SCHIP1: variants seen among roughly 807,000 people sequenced by gnomAD.
SCHIP1 encodes schwannomin-interacting protein 1.
In SCHIP1, 8 loss-of-function variants were observed where a neutral mutation model predicts 29.7. The observed-to-expected ratio is 0.27, with a 90% confidence interval of 0.16 to 0.49. The LOEUF (loss-of-function observed/expected upper bound fraction) is 0.49, where lower values mean the gene tolerates loss of function less well. SCHIP1 is among the 20% of genes least tolerant of loss of function. The pLI, the probability that SCHIP1 is intolerant of heterozygous loss-of-function variation, is 0.99. For synonymous variants in SCHIP1, 76 were observed against 94.9 expected (o/e 0.80, Z 1.16); for missense variants, 193 against 294.6 (o/e 0.66, Z 2.52).
At chr3:159,573,982 A>G in the SCHIP1 span, among the ~76,000 whole-genome samples, 1 of 152,216 alleles carries the variant, frequency 6.6e-6, no homozygotes, top group Non-Finnish European at 1.5e-5. Context: ...GGTCTTCTCT[A>G]CACTGTTTAT....
At chr3:159,690,238 G>A in the SCHIP1 span, among the ~76,000 whole-genome samples, 1 of 152,098 alleles carries the variant, frequency 6.6e-6, no homozygotes, top group Non-Finnish European at 1.5e-5. Context: ...GACTTTTTTG[G>A]TTGGTACGCT....
chr3:159,665,228 T>C, the SCHIP1 span, among the ~76,000 whole-genome samples: 1 of 152,250 alleles, frequency 6.6e-6, no homozygotes, highest in African/African-American at 2.4e-5. Context: ...TGGGATATAG[T>C]GTGTGCCAAA....
chr3:159,865,933 A>G (rs1421101983), intron 1 of SCHIP1, among the ~76,000 whole-genome samples: 2 of 152,244 alleles, frequency 1.3e-5, no homozygotes, highest in Non-Finnish European at 2.9e-5. Context: ...TAGCACCACG[A>G]TGGTGATTAC....
the SCHIP1 span, among the ~76,000 whole-genome samples, chr3:159,636,940 C>A: frequency 1.8e-4 from 28 of 152,286 alleles, no homozygotes; most frequent in Non-Finnish European, 3.8e-4. Flanking sequence ...GTAGTTTTAG[C>A]TACTCATGTT....
the SCHIP1 span, among the ~76,000 whole-genome samples, chr3:159,761,933 C>G: frequency 6.6e-6 from 1 of 152,190 alleles, no homozygotes; most frequent in Non-Finnish European, 1.5e-5. Context: ...AATGAAACCA[C>G]AACTCTCTCT....
At chr3:159,582,507 A>C in the SCHIP1 span, among the ~76,000 whole-genome samples, 2 of 151,864 alleles carry the variant, frequency 1.3e-5, no homozygotes, top group Non-Finnish European at 2.9e-5. Flanking sequence ...GCAATAAAGT[A>C]TTTTTTTTAA....
chr3:159,843,846 A>AAAAAG (rs150055870), intron 1 of SCHIP1, among the ~76,000 whole-genome samples: 9,555 of 138,448 alleles, frequency 0.069, 613 homozygotes, highest in East Asian at 0.11. Context: ...AAAAAAAAAA[A>AAAAAG]GCATTGTAAA....
At chr3:159,369,491 T>C in the SCHIP1 span, among the ~76,000 whole-genome samples, 1 of 152,152 alleles carries the variant, frequency 6.6e-6, no homozygotes, top group Non-Finnish European at 1.5e-5. Flanking sequence ...GTTGATCATC[T>C]ACAGCAAAAG....
chr3:159,694,086 G>T, the SCHIP1 span, among the ~76,000 whole-genome samples: 2 of 152,194 alleles, frequency 1.3e-5, no homozygotes, highest in East Asian at 3.9e-4. Context: ...TAAGAACTAA[G>T]GTTTCCTTCT....
chr3:159,479,412 A>G, the SCHIP1 span, among the ~76,000 whole-genome samples: 8 of 152,298 alleles, frequency 5.3e-5, no homozygotes, highest in South Asian at 1.7e-3. Context: ...TGCAAGAAGG[A>G]TAAGACAACA....
At chr3:159,348,352 AGTTAAT>A in the SCHIP1 span, among the ~76,000 whole-genome samples, 4 of 152,144 alleles carry the variant, frequency 2.6e-5, no homozygotes, top group Admixed American at 6.6e-5. Flanking sequence ...TTTTGAGGTT[AGTTAAT>A]GTTAATCTTA....
At chr3:159,377,629 C>T in the SCHIP1 span, among the ~76,000 whole-genome samples, 1 of 152,132 alleles carries the variant, frequency 6.6e-6, no homozygotes, top group Non-Finnish European at 1.5e-5. Flanking sequence ...AAATACTTCT[C>T]CTGGGGATTG....
chr3:159,704,688 T>G, the SCHIP1 span, among the ~76,000 whole-genome samples: 3 of 152,114 alleles, frequency 2.0e-5, no homozygotes, highest in Admixed American at 6.5e-5. Flanking sequence ...AACAAAATAA[T>G]CTCTTCAACA....
the SCHIP1 span, among the ~76,000 whole-genome samples, chr3:159,306,077 C>T: frequency 8.8e-4 from 132 of 149,954 alleles, no homozygotes; most frequent in Non-Finnish European, 1.4e-3. Flanking sequence ...GTCAGCAATG[C>T]AGAAAGAAAC....
chr3:159,699,679 T>C, the SCHIP1 span, among the ~76,000 whole-genome samples: 2 of 152,212 alleles, frequency 1.3e-5, no homozygotes, highest in Non-Finnish European at 2.9e-5. Context: ...TTCTTAGTAC[T>C]GGATCTTAGC....
At chr3:159,398,793 T>C in the SCHIP1 span, 2 of 162,796 alleles carry the variant, frequency 1.2e-5, no homozygotes, top group African/African-American at 2.4e-5. Flanking sequence ...GTCCCATTCA[T>C]AAGAATGAGA....
chr3:159,694,449 A>G, the SCHIP1 span, among the ~76,000 whole-genome samples: 50,516 of 151,138 alleles, frequency 0.33, 13,725 homozygotes, highest in African/African-American at 0.75. Context: ...CAACTGTGAG[A>G]CGGAGGTTAC....
the SCHIP1 span, among the ~76,000 whole-genome samples, chr3:159,545,119 C>T: frequency 6.6e-6 from 1 of 152,064 alleles, no homozygotes; most frequent in Non-Finnish European, 1.5e-5. Flanking sequence ...CCAGGCAATG[C>T]CTCCTCTGTC....
chr3:159,610,501 C>T, the SCHIP1 span, among the ~76,000 whole-genome samples: 3 of 152,136 alleles, frequency 2.0e-5, no homozygotes, highest in Non-Finnish European at 2.9e-5. Context: ...ACTTTGAATG[C>T]CAAATGTGGT....
Sources: gnomAD v4.1 joint callset for allele counts (sites outside exome capture counted in the v4.1 genomes callset) on GRCh38, gnomAD v4.1.1 for gene constraint, MANE v1.5 for transcripts, NCBI Gene and HGNC (gene_info 2026-07-23, HGNC 2026-07-21) for gene names.